The following NKAIN2 variants were observed in gnomAD, a reference collection of about 807,000 sequenced individuals.
NKAIN2 encodes sodium/potassium-transporting ATPase subunit beta-1-interacting protein 2.
In NKAIN2, 14 loss-of-function variants were observed where a neutral mutation model predicts 32.6. The observed-to-expected ratio is 0.43, with a 90% confidence interval of 0.28 to 0.67. The LOEUF (loss-of-function observed/expected upper bound fraction) is 0.67. Ranked by LOEUF, NKAIN2 falls within the 30% of genes least tolerant of loss-of-function variation. The pLI, the probability that NKAIN2 is intolerant of heterozygous loss-of-function variation, is 0.17. For missense variants in NKAIN2, 198 were observed against 258.3 expected (o/e 0.77, Z 1.60); for synonymous variants, 80 against 87.2 (o/e 0.92, Z 0.46).
chr6:124,025,584 C>T (rs1030154683), intron 1 of NKAIN2, among the ~76,000 whole-genome samples: 3 of 152,052 alleles, frequency 2.0e-5, no homozygotes, highest in African/African-American at 4.8e-5. Context: ...ACAAAGTTCC[C>T]GTTAGGTTGA....
chr6:124,374,056 A>G (rs534706627), intron 3 of NKAIN2, among the ~76,000 whole-genome samples: 2 of 152,156 alleles, frequency 1.3e-5, no homozygotes, highest in South Asian at 4.2e-4. Context: ...AAACTGATGG[A>G]GTGGGAGCAA....
chr6:124,672,606 A>G (rs955074772), intron 4 of NKAIN2, among the ~76,000 whole-genome samples: 1 of 152,112 alleles, frequency 6.6e-6, no homozygotes, highest in Non-Finnish European at 1.5e-5. Flanking sequence ...TTGATCATTC[A>G]TGAATATTTA....
At chr6:124,679,618 TGTGTTA>T (rs1773526157) in intron 4 of NKAIN2, among the ~76,000 whole-genome samples, 1 of 152,180 alleles carries the variant, frequency 6.6e-6, no homozygotes, top group Non-Finnish European at 1.5e-5. Flanking sequence ...AATGGATCCA[TGTGTTA>T]GTCATTTTCT....
chr6:124,443,707 G>T (rs1349014426), intron 3 of NKAIN2, among the ~76,000 whole-genome samples: 1 of 152,026 alleles, frequency 6.6e-6, no homozygotes, highest in African/African-American at 2.4e-5. Context: ...CATTACAGTA[G>T]TTCTTACCCC....
At chr6:124,487,636 T>C (rs1777703856) in intron 3 of NKAIN2, among the ~76,000 whole-genome samples, 1 of 152,162 alleles carries the variant, frequency 6.6e-6, no homozygotes, top group Admixed American at 6.6e-5. Context: ...ATGTCCATTT[T>C]TATCAAAGGG....
chr6:124,210,707 A>AT (rs902719592), intron 1 of NKAIN2, among the ~76,000 whole-genome samples: 7 of 149,624 alleles, frequency 4.7e-5, no homozygotes, highest in Admixed American at 3.3e-4. Flanking sequence ...TAGTTTCTTG[A>AT]TTTTTTTTGT....
intron 1 of NKAIN2, among the ~76,000 whole-genome samples, chr6:123,938,403 T>C (rs1776627964): frequency 1.5e-3 from 2 of 1,374 alleles, no homozygotes; most frequent in South Asian, 0.036. Flanking sequence ...GGGTTATATA[T>C]ATATATATAT....
chr6:123,880,183 A>G lies in NKAIN2; in HGVS notation c.54+75929A>G, dbSNP rs140701924. 6.4e-3 allele frequency among the ~76,000 whole-genome samples: 972 copies of G among 152,294 alleles called. 4 individuals carry two copies. Among genetic ancestry groups the G allele is most frequent in the Middle Eastern group, 0.02 (6 of 294 alleles). On this transcript the variant is annotated intron_variant, in intron 1 of 6. Transcript: ENST00000368417. ...GAGCATGGATCATTAAGTTCTCACT[A>G]TTAAAGGATAAAGCAGGAAAGTAGG... is the stretch of plus-strand genomic sequence containing the variant.
intron 1 of NKAIN2, among the ~76,000 whole-genome samples, chr6:124,161,744 G>A (rs986749561): frequency 6.6e-6 from 1 of 152,020 alleles, no homozygotes; most frequent in African/African-American, 2.4e-5. Context: ...GCTAAACATT[G>A]AGTACTTGTA....
At chr6:124,236,896 T>C (rs1792798263) in intron 1 of NKAIN2, among the ~76,000 whole-genome samples, 1 of 152,136 alleles carries the variant, frequency 6.6e-6, no homozygotes, top group Admixed American at 6.6e-5. Flanking sequence ...TTTTAAAAGA[T>C]TCCTCTGATG....
rs976864251 is a variant in NKAIN2, at chr6:124,314,116, G to T, written c.192+30974G>T. On this transcript the variant is annotated intron_variant, in intron 2 of 6. Coordinates refer to ENST00000368417, the MANE Select transcript of NKAIN2 (RefSeq NM_001040214.3). ...TTTAGGGAGCACGGGTGGATTGGCT[G>T]CCAGAGGCCACCCTCTTTTTAGAAT... Among the ~76,000 whole-genome samples the T allele has an allele frequency of 1.5e-4, 23 of 152,046 alleles. 1 individual carries two copies. The highest frequency in any genetic ancestry group is 6.6e-5 in the Admixed American group (1 of 15,248).
At chr6:123,897,455 CT>C (rs1478276210) in intron 1 of NKAIN2, among the ~76,000 whole-genome samples, 1 of 152,080 alleles carries the variant, frequency 6.6e-6, no homozygotes, top group Admixed American at 6.5e-5. Context: ...GTCTTTCCAT[CT>C]GTTTTTCAGG....
At chr6:124,091,696 A>C (rs193280305) in intron 1 of NKAIN2, among the ~76,000 whole-genome samples, 219 of 151,782 alleles carry the variant, frequency 1.4e-3, no homozygotes, top group African/African-American at 5.2e-3. Flanking sequence ...AGTCTTCCAC[A>C]CTTTGCCTCA....
chr6:123,906,262 T>TTTCTTC (rs1046084779), intron 1 of NKAIN2, among the ~76,000 whole-genome samples: 2 of 151,938 alleles, frequency 1.3e-5, no homozygotes, highest in African/African-American at 2.4e-5. Context: ...TTAGCACCAC[T>TTTCTTC]TTCTTCTTCT....
chr6:124,472,718 TAAA>T (rs5879739), intron 3 of NKAIN2, among the ~76,000 whole-genome samples: 1 of 149,008 alleles, frequency 6.7e-6, no homozygotes, highest in African/African-American at 2.5e-5. Context: ...AGTAGGCAGA[TAAA>T]AAAAAAAAAG....
intron 3 of NKAIN2, among the ~76,000 whole-genome samples, chr6:124,513,394 T>C (rs1417081973): frequency 6.6e-6 from 1 of 152,188 alleles, no homozygotes; most frequent in East Asian, 1.9e-4. Flanking sequence ...TAGAAAATCC[T>C]CATCCTTGTG....
Position 124,451,063 on chromosome 6 carries a change from C to T in NKAIN2, c.273+95716C>T, listed in dbSNP as rs190452498. ...GAAAGAATCAGTTAAAATAATGGAA[C>T]CTTTTAGCCCAAGCACACTATCTGT... On this transcript the variant is annotated intron_variant, in intron 3 of 6. Coordinates refer to ENST00000368417, the MANE Select transcript of NKAIN2 (RefSeq NM_001040214.3). 1.8e-3 allele frequency among the ~76,000 whole-genome samples: 273 copies of T among 152,084 alleles called. 1 individual carries two copies. The highest frequency in any genetic ancestry group is 0.014 in the Middle Eastern group (4 of 294).
chr6:124,409,746 T>C (rs1774064243), intron 3 of NKAIN2, among the ~76,000 whole-genome samples: 1 of 152,200 alleles, frequency 6.6e-6, no homozygotes, highest in Non-Finnish European at 1.5e-5. Context: ...TTCTATTGAT[T>C]GGAATAGTTT....
chr6:124,742,471 C>T (rs1196040650), intron 4 of NKAIN2, among the ~76,000 whole-genome samples: 7 of 151,754 alleles, frequency 4.6e-5, no homozygotes, highest in Non-Finnish European at 8.8e-5. Context: ...CACTATCACC[C>T]CCCACCCCAG....
Sources: gnomAD v4.1 joint callset for allele counts (sites outside exome capture counted in the v4.1 genomes callset) on GRCh38, gnomAD v4.1.1 for gene constraint, MANE v1.5 for transcripts, NCBI Gene and HGNC (gene_info 2026-07-23, HGNC 2026-07-21) for gene names.